MSRB3: variants seen among roughly 807,000 people sequenced by gnomAD.
MSRB3 encodes the protein methionine-R-sulfoxide reductase B3.
A neutral mutation model predicts 21.0 loss-of-function variants in MSRB3; 13 were observed. The ratio of observed to expected loss-of-function variants is 0.62; its 90% confidence interval spans 0.40 to 0.98. The LOEUF is 0.98. Among genes scored for constraint, MSRB3 ranks in the 50% least tolerant of loss-of-function variants. The pLI is 0.00. For missense variants in MSRB3, 199 were observed against 230.3 expected (o/e 0.86, Z 0.88); for synonymous variants, 87 against 88.6 (o/e 0.98, Z 0.10).
intron 1 of MSRB3, among the ~76,000 whole-genome samples, chr12:65,288,291 G>A (rs1185469913): frequency 1.4e-5 from 2 of 143,474 alleles, no homozygotes; most frequent in African/African-American, 2.6e-5. Context: ...AAGAGAGCGA[G>A]ACCCCGTCCC....
At chr12:65,405,570 C>T (rs1191069830) in intron 5 of MSRB3, among the ~76,000 whole-genome samples, 1 of 152,032 alleles carries the variant, frequency 6.6e-6, no homozygotes, top group East Asian at 1.9e-4. Flanking sequence ...ACTATCTCTT[C>T]AACATACTGA....
At chr12:65,354,094 A>C (rs947192422) in intron 4 of MSRB3, among the ~76,000 whole-genome samples, 53 of 152,044 alleles carry the variant, frequency 3.5e-4, no homozygotes, top group African/African-American at 1.2e-3. Flanking sequence ...CCGAGAGATC[A>C]GCTGTTAGTC....
At chr12:65,438,372 C>T (rs980579596) in intron 5 of MSRB3, among the ~76,000 whole-genome samples, 14 of 151,798 alleles carry the variant, frequency 9.2e-5, no homozygotes, top group Admixed American at 5.3e-4. Flanking sequence ...AAGATAGATC[C>T]AGGAGGCTTA....
chr12:65,297,313 A>G (rs1431375957), intron 1 of MSRB3, among the ~76,000 whole-genome samples: 1 of 152,116 alleles, frequency 6.6e-6, no homozygotes, highest in Non-Finnish European at 1.5e-5. Context: ...GCAGCAAACC[A>G]CCATGGCACA....
chr12:65,330,937 C>T (rs970977734), intron 4 of MSRB3, among the ~76,000 whole-genome samples: 1 of 152,042 alleles, frequency 6.6e-6, no homozygotes, highest in African/African-American at 2.4e-5. Context: ...TTCAAATGAA[C>T]AAAAACGAAA....
At chr12:65,353,615 G>A (rs1389511457) in intron 4 of MSRB3, among the ~76,000 whole-genome samples, 4 of 152,050 alleles carry the variant, frequency 2.6e-5, no homozygotes, top group Non-Finnish European at 5.9e-5. Context: ...GAGCCTATGT[G>A]TGTCTCTGCA....
chr12:65,410,378 A>G (rs931730296), intron 5 of MSRB3, among the ~76,000 whole-genome samples: 1 of 152,184 alleles, frequency 6.6e-6, no homozygotes, highest in African/African-American at 2.4e-5. Context: ...AGCACAGGCC[A>G]GGTGTGGTGG....
At position 65,419,391 on chromosome 12, in the gene MSRB3, C is replaced by T. The variant is rs1592619298; in HGVS notation, c.293-34337C>T. 7 of 750,150 alleles carry T rather than the reference C, an allele frequency of 9.3e-6. No homozygotes were observed. In the East Asian group the frequency reaches 1.5e-4, roughly 16 times the overall value. 46.5% of individuals were successfully genotyped at this position (750,150 alleles called of 1,614,324 possible). A position where few individuals can be genotyped will look rare whatever the true frequency, so the allele number is the denominator to read the frequency against. On this transcript the variant is annotated intron_variant, in intron 5 of 6. Transcript: ENST00000308259. ...CTTCATGGTTCTTCTTCATTAAGAG[C>T]AGCTCCTCCTTGAGAGTCTCGATCT...
At chr12:65,331,113 C>T (rs1057380570) in intron 4 of MSRB3, among the ~76,000 whole-genome samples, 5 of 152,154 alleles carry the variant, frequency 3.3e-5, no homozygotes, top group Middle Eastern at 3.4e-3. Context: ...GTGTAAAGTA[C>T]ACAAAACACC....
intron 2 of MSRB3, among the ~76,000 whole-genome samples, chr12:65,314,814 G>A (rs554536485): frequency 6.6e-6 from 1 of 152,260 alleles, no homozygotes; most frequent in South Asian, 2.1e-4. Flanking sequence ...ACTGTACAGT[G>A]TGTAAAACAT....
chr12:65,287,008 GA>G (rs1254918367), intron 1 of MSRB3, among the ~76,000 whole-genome samples: 1 of 105,118 alleles, frequency 9.5e-6, no homozygotes, highest in Non-Finnish European at 1.7e-5. Flanking sequence ...GTGACAGAGC[GA>G]GACCCTTTCT....
At chr12:65,390,449 A>G (rs1449347655) in intron 5 of MSRB3, among the ~76,000 whole-genome samples, 1 of 152,220 alleles carries the variant, frequency 6.6e-6, no homozygotes, top group East Asian at 1.9e-4. Context: ...GCAAAAGTTT[A>G]GCCTCACTAT....
At chr12:65,432,652 T>C (rs925524267) in intron 5 of MSRB3, among the ~76,000 whole-genome samples, 21 of 151,766 alleles carry the variant, frequency 1.4e-4, no homozygotes, top group Admixed American at 1.3e-4. Flanking sequence ...TGTAGCTTTT[T>C]TTTTTACAGA....
At chr12:65,297,283 T>C (rs550871274) in intron 1 of MSRB3, among the ~76,000 whole-genome samples, 54 of 152,238 alleles carry the variant, frequency 3.5e-4, no homozygotes, top group African/African-American at 1.1e-3. Flanking sequence ...GCTTAATACC[T>C]AGGTGATGGA....
chr12:65,420,029 C>T, intron 5 of MSRB3: 1 of 551,512 alleles, frequency 1.8e-6, no homozygotes, highest in Non-Finnish European at 3.6e-6. Context: ...CTCATGCTGT[C>T]TGGGGAAGAG....
chr12:65,332,919 T>G (rs1307951211), intron 4 of MSRB3, among the ~76,000 whole-genome samples: 1 of 152,258 alleles, frequency 6.6e-6, no homozygotes, highest in Non-Finnish European at 1.5e-5. Context: ...GTATAATTTA[T>G]TCCATGGTTC....
At chr12:65,319,554 A>T (rs1005737436) in intron 2 of MSRB3, among the ~76,000 whole-genome samples, 4 of 152,168 alleles carry the variant, frequency 2.6e-5, no homozygotes, top group Admixed American at 2.6e-4. Context: ...GTAAGACTGC[A>T]CATTGTATAG....
chr12:65,306,124 G>A (rs1873639231), intron 1 of MSRB3, among the ~76,000 whole-genome samples: 1 of 152,142 alleles, frequency 6.6e-6, no homozygotes, highest in Non-Finnish European at 1.5e-5. Flanking sequence ...CAGATGGTCT[G>A]TGTTCACGGA....
At chr12:65,382,206 A>G (rs1467031006) in intron 5 of MSRB3, among the ~76,000 whole-genome samples, 3 of 152,118 alleles carry the variant, frequency 2.0e-5, no homozygotes, top group Admixed American at 1.3e-4. Flanking sequence ...AGAAAATTTA[A>G]TGACAACAAA....
Sources: allele counts gnomAD v4.1 joint callset (sites outside exome capture counted in the v4.1 genomes callset), GRCh38; gene constraint gnomAD v4.1.1; transcripts MANE v1.5; gene names NCBI Gene and HGNC (gene_info 2026-07-23, HGNC 2026-07-21).